The following CDH12 variants were observed in gnomAD, a reference collection of about 807,000 sequenced individuals.
CDH12 encodes cadherin 12, also known as cadherin-12.
Under a neutral mutation model 74.1 loss-of-function variants are expected in CDH12, and 41 were observed. The ratio of observed to expected loss-of-function variants is 0.55; its 90% CI spans 0.43 to 0.72. The LOEUF (loss-of-function observed/expected upper bound fraction) is 0.72. CDH12 is among the 30% of genes least tolerant of loss of function. CDH12 has a pLI of 0.00. For synonymous variants in CDH12, 399 were observed against 355.0 expected, an observed-to-expected ratio of 1.12 and a Z score of -1.39; for missense variants, 945 against 977.2, an observed-to-expected ratio of 0.97 and a Z score of 0.44.
chr5:22,152,671 A>C, intron 4 of CDH12, among the ~76,000 whole-genome samples: 1 of 152,312 alleles, frequency 6.6e-6, no homozygotes, highest in Middle Eastern at 3.4e-3. Flanking sequence ...AGAATACAAT[A>C]TATTACTAAC....
At chr5:22,438,667 A>G (rs1310739935) in intron 2 of CDH12, among the ~76,000 whole-genome samples, 3 of 152,114 alleles carry the variant, frequency 2.0e-5, no homozygotes, top group East Asian at 3.9e-4. Flanking sequence ...ACTGTACTGG[A>G]CAATGCAGAA....
chr5:22,438,082 G>A (rs1392155342), intron 2 of CDH12, among the ~76,000 whole-genome samples: 1 of 151,850 alleles, frequency 6.6e-6, no homozygotes, highest in Non-Finnish European at 1.5e-5. Context: ...GGCAAATTTG[G>A]TGTACTTATC....
intron 5 of CDH12, among the ~76,000 whole-genome samples, chr5:22,030,130 G>T (rs1402487604): frequency 6.8e-6 from 1 of 147,744 alleles, no homozygotes; most frequent in Non-Finnish European, 1.5e-5. Context: ...GGGGGGAGGG[G>T]GGAAGGACAG....
At chr5:22,672,285 A>G (rs910006225) in intron 1 of CDH12, among the ~76,000 whole-genome samples, 2 of 151,514 alleles carry the variant, frequency 1.3e-5, no homozygotes, top group African/African-American at 2.4e-5. Context: ...ATTAATCTGC[A>G]TATTATCATA....
intron 3 of CDH12, among the ~76,000 whole-genome samples, chr5:22,367,266 G>A (rs935976728): frequency 2.6e-5 from 4 of 152,074 alleles, no homozygotes; most frequent in Admixed American, 2.6e-4. Context: ...CTTCCTTACA[G>A]CAATTTGGGA....
chr5:22,278,891 A>G (rs1027288585), intron 3 of CDH12, among the ~76,000 whole-genome samples: 1 of 152,184 alleles, frequency 6.6e-6, no homozygotes, highest in African/African-American at 2.4e-5. Context: ...ATATCATTCA[A>G]ATCTCTTTGG....
At chr5:22,659,024 A>G (rs904474060) in intron 1 of CDH12, among the ~76,000 whole-genome samples, 24 of 152,250 alleles carry the variant, frequency 1.6e-4, no homozygotes, top group Middle Eastern at 3.4e-3. Flanking sequence ...TTAGTACCCA[A>G]TGGGACCATT....
At chr5:21,827,391 TA>T (rs1217206933) in intron 8 of CDH12, among the ~76,000 whole-genome samples, 5 of 151,704 alleles carry the variant, frequency 3.3e-5, no homozygotes, top group Middle Eastern at 3.4e-3. Flanking sequence ...TGAAAACCTT[TA>T]AAAAAAAGGT....
intron 2 of CDH12, among the ~76,000 whole-genome samples, chr5:22,485,124 G>A (rs2662492): frequency 0.95 from 144,770 of 152,194 alleles, 68,967 homozygotes; most frequent in African/African-American, 0.98. Context: ...ATAAAAACTT[G>A]TCCATTGTTT....
intron 4 of CDH12, among the ~76,000 whole-genome samples, chr5:22,083,370 CAT>C (rs544823549): frequency 2.2e-3 from 329 of 152,182 alleles, no homozygotes; most frequent in African/African-American, 7.7e-3. Context: ...GGAGTGTACT[CAT>C]GTGATTATTT....
intron 4 of CDH12, among the ~76,000 whole-genome samples, chr5:22,096,210 C>T (rs1743771062): frequency 6.6e-6 from 1 of 152,102 alleles, no homozygotes; most frequent in Non-Finnish European, 1.5e-5. Context: ...TGCTTGACCC[C>T]AATACAAACT....
intron 6 of CDH12, among the ~76,000 whole-genome samples, chr5:21,872,679 G>A (rs545700709): frequency 6.6e-6 from 1 of 152,222 alleles, no homozygotes; most frequent in African/African-American, 2.4e-5. Context: ...TGGCCAAGGT[G>A]TTAAGGACCA....
intron 5 of CDH12, among the ~76,000 whole-genome samples, chr5:22,059,336 C>CATCTATCTATCTATCT (rs58259827): frequency 1.4e-5 from 2 of 144,068 alleles, no homozygotes; most frequent in African/African-American, 5.2e-5. Context: ...GTCTATCTAT[C>CATCTATCTATCTATCT]ATCTATCTAT....
chr5:21,970,770 G>C (rs1192396439), intron 6 of CDH12, among the ~76,000 whole-genome samples: 1 of 136,986 alleles, frequency 7.3e-6, no homozygotes, highest in Non-Finnish European at 1.5e-5. Flanking sequence ...AACCTGGAAG[G>C]CAGAGGTTGC....
intron 1 of CDH12, among the ~76,000 whole-genome samples, chr5:22,688,291 T>A: frequency 6.6e-6 from 1 of 152,226 alleles, no homozygotes; most frequent in East Asian, 1.9e-4. Flanking sequence ...ATAAAATCGT[T>A]ATTTGCCAAT....
At chr5:22,675,873 A>ATATATATATATATATATATATATATATC (rs1172203600) in intron 1 of CDH12, among the ~76,000 whole-genome samples, 1 of 140,836 alleles carries the variant, frequency 7.1e-6, no homozygotes, top group Non-Finnish European at 1.5e-5. Flanking sequence ...TGTATCTCAT[A>ATATATATATATATATATATATATATATC]TATATATATA....
chr5:22,776,599 TTTAG>T (rs759986685), intron 1 of CDH12, among the ~76,000 whole-genome samples: 2 of 152,040 alleles, frequency 1.3e-5, no homozygotes, highest in South Asian at 2.1e-4. Context: ...TTATTCTAAA[TTTAG>T]TTAGAGAAAC....
chr5:22,008,554 A>G (rs1204337273), intron 5 of CDH12, among the ~76,000 whole-genome samples: 1 of 152,108 alleles, frequency 6.6e-6, no homozygotes, highest in Non-Finnish European at 1.5e-5. Context: ...TTGTATTTTT[A>G]TTATGAAGAC....
chr5:22,398,678 C>CAAAA, intron 3 of CDH12, among the ~76,000 whole-genome samples: 1 of 152,276 alleles, frequency 6.6e-6, no homozygotes, highest in Admixed American at 6.5e-5. Flanking sequence ...TCTCCTTTTT[C>CAAAA]ACCAGAGACA....
Sources: gnomAD v4.1 joint callset for allele counts (sites outside exome capture counted in the v4.1 genomes callset) on GRCh38, gnomAD v4.1.1 for gene constraint, MANE v1.5 for transcripts, NCBI Gene and HGNC (gene_info 2026-07-23, HGNC 2026-07-21) for gene names.